Variants in LSM14A observed in about 807,000 individuals in gnomAD.
LSM14A encodes protein LSM14 homolog A.
Under a neutral mutation model 52.4 loss-of-function variants are expected in LSM14A, and 14 were observed. The observed-to-expected ratio is 0.27, with a 90% confidence interval of 0.18 to 0.42. The LOEUF (loss-of-function observed/expected upper bound fraction) is 0.42, where lower values mean the gene tolerates loss of function less well. LSM14A is among the 10% of genes least tolerant of loss of function. The pLI is 1.00. For synonymous variants in LSM14A, 185 were observed against 200.3 expected (o/e 0.92, Z 0.64); for missense variants, 417 against 581.8 (o/e 0.72, Z 2.91).
At chr19:34,180,011 C>T (rs949071664) in intron 1 of LSM14A, among the ~76,000 whole-genome samples, 2 of 152,210 alleles carry the variant, frequency 1.3e-5, no homozygotes, top group Admixed American at 1.3e-4. Flanking sequence ...CTTGACCTCC[C>T]TGGGCTCAGG....
chr19:34,188,373 C>T (rs770188538), intron 1 of LSM14A, among the ~76,000 whole-genome samples: 2 of 152,130 alleles, frequency 1.3e-5, no homozygotes, highest in Non-Finnish European at 2.9e-5. Context: ...CCCTAGTTTC[C>T]CCATTCTCCC....
chr19:34,195,493 T>G (rs549912882), intron 2 of LSM14A, among the ~76,000 whole-genome samples: 1 of 152,314 alleles, frequency 6.6e-6, no homozygotes, highest in Non-Finnish European at 1.5e-5. Context: ...TGTTATATAA[T>G]AAGAAAACAC....
chr19:34,185,682 TG>T (rs1472677599), intron 1 of LSM14A, among the ~76,000 whole-genome samples: 2 of 152,238 alleles, frequency 1.3e-5, no homozygotes, highest in African/African-American at 4.8e-5. Context: ...CCTTCCTTGT[TG>T]TATTAAATCC....
rs1403471171 is a variant in LSM14A, at chr19:34,207,168, AG to A, written c.416-1755del. Among the ~76,000 whole-genome samples, 4 of 152,076 alleles carry A rather than the reference AG, an allele frequency of 2.6e-5. No homozygotes were observed. In the South Asian group the frequency reaches 6.2e-4, roughly 24 times the overall value. ...TTGGTAGTAGAATTGGAGTAGAGCG[AG>A]GGGGGTGTGGCACGATCAGGAACTC... On this transcript the variant is annotated intron_variant, in intron 3 of 9. Transcript: ENST00000544216.
At chr19:34,183,056 T>C (rs2069612566) in intron 1 of LSM14A, among the ~76,000 whole-genome samples, 1 of 152,118 alleles carries the variant, frequency 6.6e-6, no homozygotes, top group Non-Finnish European at 1.5e-5. Flanking sequence ...TCTTATATCA[T>C]ATTTTCATAT....
At chr19:34,205,095 A>G (rs2071585541) in intron 3 of LSM14A, among the ~76,000 whole-genome samples, 1 of 151,392 alleles carries the variant, frequency 6.6e-6, no homozygotes, top group Non-Finnish European at 1.5e-5. Flanking sequence ...TGACGTCACT[A>G]CACTCCAGCC....
intron 1 of LSM14A, among the ~76,000 whole-genome samples, chr19:34,187,154 C>G (rs564322783): frequency 6.0e-5 from 9 of 150,700 alleles, no homozygotes; most frequent in African/African-American, 1.7e-4. Flanking sequence ...GAGGCTGAGG[C>G]AGGAGAATTA....
At chr19:34,199,604 T>G (rs1349927533) in intron 3 of LSM14A, among the ~76,000 whole-genome samples, 1 of 152,170 alleles carries the variant, frequency 6.6e-6, no homozygotes, top group Non-Finnish European at 1.5e-5. Flanking sequence ...GTGTATGGAC[T>G]CATTTTTTAA....
rs372565109 is a variant in LSM14A, at chr19:34,209,927, A to G, written c.538+876A>G. Among the ~76,000 whole-genome samples, 9 of 151,726 alleles carry G rather than the reference A, an allele frequency of 5.9e-5. 1 individual carries two copies. In the South Asian group the frequency reaches 1.9e-3, roughly 32 times the overall value. ...CTATTTACAGATGTGATCATAGTGC[A>G]CTGCAGCCTTGGACACCTGGCCCCA... On this transcript the variant is annotated intron_variant, in intron 4 of 9. Transcript: ENST00000544216.
intron 1 of LSM14A, among the ~76,000 whole-genome samples, chr19:34,189,162 C>T (rs1364909615): frequency 6.6e-6 from 1 of 151,976 alleles, no homozygotes; most frequent in Non-Finnish European, 1.5e-5. Context: ...CATGATAATC[C>T]CCAAAATATC....
chr19:34,212,046 C>G (rs986924000), intron 4 of LSM14A, among the ~76,000 whole-genome samples: 1 of 152,022 alleles, frequency 6.6e-6, no homozygotes, highest in Non-Finnish European at 1.5e-5. Context: ...GAAACAGATC[C>G]GAGTATAAAT....
At chr19:34,175,750 T>C (rs760372407) in intron 1 of LSM14A, among the ~76,000 whole-genome samples, 1 of 152,216 alleles carries the variant, frequency 6.6e-6, no homozygotes, top group Non-Finnish European at 1.5e-5. Context: ...ACATGACTTG[T>C]TGAGTAATTC....
At chr19:34,213,092 A>G (rs1220146804) in intron 4 of LSM14A, among the ~76,000 whole-genome samples, 2 of 152,154 alleles carry the variant, frequency 1.3e-5, no homozygotes, top group Non-Finnish European at 2.9e-5. Flanking sequence ...TAGAAGTTGC[A>G]GCGAGCTGTG....
rs781397618 is a variant in LSM14A, at chr19:34,209,061, C to G, written c.538+10C>G. ...ACACAGTTATCTCAAGGTAAGCTAT[C>G]TCATCCCTAAAATATTTCCATTCTA... On this transcript the variant is annotated intron_variant, in intron 4 of 9. Transcript: ENST00000544216. 3.2e-6 allele frequency: 5 copies of G among 1,554,554 alleles called. No individual in the cohort carries two copies. In the South Asian group the frequency reaches 3.7e-5, roughly 12 times the overall value.
At chr19:34,180,342 C>G (rs1036744760) in intron 1 of LSM14A, among the ~76,000 whole-genome samples, 1 of 152,116 alleles carries the variant, frequency 6.6e-6, no homozygotes, top group Non-Finnish European at 1.5e-5. Flanking sequence ...AAATGCGACC[C>G]AAAATGCCAG....
intron 1 of LSM14A, among the ~76,000 whole-genome samples, chr19:34,182,049 C>G (rs1347791054): frequency 1.3e-5 from 2 of 152,154 alleles, no homozygotes; most frequent in Non-Finnish European, 2.9e-5. Flanking sequence ...TGCTTTCAAA[C>G]TAGATGCAGA....
chr19:34,189,076 G>A (rs2070157864), intron 1 of LSM14A, among the ~76,000 whole-genome samples: 1 of 152,096 alleles, frequency 6.6e-6, no homozygotes, highest in African/African-American at 2.4e-5. Flanking sequence ...CCCTGAGGGT[G>A]GGGACATAAA....
intron 6 of LSM14A, among the ~76,000 whole-genome samples, 156 bp downstream of exon 6, chr19:34,215,817 T>C (rs1369634365): frequency 1.2e-4 from 18 of 152,188 alleles, no homozygotes; most frequent in Non-Finnish European, 1.5e-5. Context: ...AGAACAGTCC[T>C]TTATCTTGAT....
At chr19:34,207,011 G>T (rs1235235363) in intron 3 of LSM14A, among the ~76,000 whole-genome samples, 1 of 152,180 alleles carries the variant, frequency 6.6e-6, no homozygotes, top group Non-Finnish European at 1.5e-5. Context: ...TACCAAGACA[G>T]TTCAATGGAG....
Sources: allele counts gnomAD v4.1 joint callset (sites outside exome capture counted in the v4.1 genomes callset), GRCh38; gene constraint gnomAD v4.1.1; transcripts MANE v1.5; gene names NCBI Gene and HGNC (gene_info 2026-07-23, HGNC 2026-07-21).